Variants in INPP5D observed in about 807,000 individuals in gnomAD.
The protein encoded by INPP5D is inositol polyphosphate-5-phosphatase D.
Under a neutral mutation model 122.9 loss-of-function variants are expected in INPP5D, and 33 were observed. That is an observed-to-expected ratio of 0.27 (90% CI 0.20 to 0.36). INPP5D has a LOEUF of 0.36. Ranked by LOEUF, INPP5D falls within the 10% of genes least tolerant of loss-of-function variation. The pLI, the probability that INPP5D is intolerant of heterozygous loss-of-function variation, is 1.00. For missense variants in INPP5D, 1,053 were observed against 1,412.7 expected (o/e 0.75, Z 4.08); for synonymous variants, 584 against 576.2 (o/e 1.01, Z -0.19).
rs369946228 is a variant in INPP5D at position 233,154,157 on chromosome 2, G to GTT, written c.1031-4149_1031-4148dup. Among the ~76,000 whole-genome samples the GTT allele has an allele frequency of 1.9e-3, 289 of 151,568 alleles. 2 individuals carry two copies. The East Asian group carries it at 0.027, about 14-fold the overall frequency. On this transcript the variant is annotated intron_variant, in intron 9 of 26. Coordinates refer to ENST00000445964, the MANE Select transcript of INPP5D (RefSeq NM_001017915.3). ...CACTTGGAGGGATCAAATTCTTTTTGTTTTTTTTGAGACAGAGTTTCACTC... is the reference window on the plus strand; with the variant it reads ...CACTTGGAGGGATCAAATTCTTTTTGTTTTTTTTTTGAGACAGAGTTTCACTC...
In INPP5D at chr2:233,161,402, T is replaced by C. The variant is rs571829590; in HGVS notation, c.1138-322T>C. On this transcript the variant is annotated intron_variant, in intron 10 of 26. Coordinates refer to ENST00000445964, the MANE Select transcript of INPP5D (RefSeq NM_001017915.3). ...CCACCACACCTGGCCCTCTGATACA[T>C]TATTAATGAATCTCCTAAGGCTGGA... Among the ~76,000 whole-genome samples the C allele has an allele frequency of 2.6e-5, 4 of 152,332 alleles. No individual in the cohort carries two copies. The South Asian group carries it at 6.2e-4, about 24-fold the overall frequency.
chr2:233,157,090 T>C (rs1049805622), intron 9 of INPP5D, among the ~76,000 whole-genome samples: 3 of 152,176 alleles, frequency 2.0e-5, no homozygotes, highest in Non-Finnish European at 2.9e-5. Flanking sequence ...GTCAGTTAAG[T>C]GTGAGGGTCG....
chr2:233,136,337 A>G (rs7557877), intron 5 of INPP5D, among the ~76,000 whole-genome samples: 127,934 of 152,166 alleles, frequency 0.84, 54,461 homozygotes, highest in Non-Finnish European at 0.92. Context: ...AAATTAGCTG[A>G]ATGTGGTGTT....
intron 17 of INPP5D, among the ~76,000 whole-genome samples, chr2:233,175,070 T>A (rs1401753118): frequency 6.6e-6 from 1 of 151,732 alleles, no homozygotes; most frequent in Admixed American, 6.6e-5. Context: ...TATACAAAAT[T>A]AGCCGGGCAT....
rs185906811 is a variant in INPP5D, at chr2:233,189,782, G to A, written c.2359-68G>A. The A allele has an allele frequency of 1.0e-3, 1,635 of 1,575,740 alleles. 15 individuals are homozygous for A. In the African/African-American group the frequency reaches 0.019, roughly 18 times the overall value. On this transcript the variant is annotated intron_variant, in intron 21 of 26. Transcript: ENST00000445964. The surrounding 1 kb of genome is among the most constrained non-coding windows in gnomAD (Gnocchi z 5.6). ...CACCTTTCGTCATCTTCATCCACTT[G>A]TCCACCCACCTGTCCCCTCACCTGT...
intron 4 of INPP5D, among the ~76,000 whole-genome samples, chr2:233,129,305 T>C (rs946401169): frequency 6.6e-6 from 1 of 152,242 alleles, no homozygotes; most frequent in African/African-American, 2.4e-5. Context: ...AAAATTGATT[T>C]GTGGGTTAAT....
rs995137674 is a variant in INPP5D at position 233,134,021 on chromosome 2, G to A, written c.665+3373G>A. 3.3e-5 allele frequency: 15 copies of A among 456,114 alleles called. No homozygotes were observed. The East Asian group carries it at 9.0e-4, about 27-fold the overall frequency. The allele number at this position is 456,114 out of a possible 1,614,324, so 28.3% of individuals were successfully genotyped here. A position where few individuals can be genotyped will look rare whatever the true frequency, so the allele number is the denominator to read the frequency against. On this transcript the variant is annotated intron_variant, in intron 5 of 26. Coordinates refer to ENST00000445964, the MANE Select transcript of INPP5D (RefSeq NM_001017915.3). ...GGTGTGACCTGGGACACGTGTGCAT[G>A]GCAAAGGTGTCAGATTTGCCGCTTG...
At chr2:233,086,189 C>CTTTCTTTCTTTCTTTCTTTCTTTCTTT (rs60296918) in intron 2 of INPP5D, among the ~76,000 whole-genome samples, 5 of 129,620 alleles carry the variant, frequency 3.9e-5, no homozygotes, top group East Asian at 2.3e-4. Flanking sequence ...TTCTTTCTTT[C>CTTTCTTTCTTTCTTTCTTTCTTTCTTT]CTTTTTGAGA....
intron 1 of INPP5D, among the ~76,000 whole-genome samples, chr2:233,061,742 G>GT (rs1691080264): frequency 6.6e-6 from 1 of 152,200 alleles, no homozygotes; most frequent in Non-Finnish European, 1.5e-5. Context: ...GCCCTGGCAG[G>GT]TTAAGTGAGT....
intron 1 of INPP5D, among the ~76,000 whole-genome samples, chr2:233,076,619 A>G (rs1691526993): frequency 1.3e-5 from 2 of 152,378 alleles, no homozygotes; most frequent in African/African-American, 2.4e-5. Flanking sequence ...AGCTTTAAAA[A>G]CAACCTGTTA....
chr2:233,190,072 G>A lies in INPP5D; in HGVS notation c.2446+135G>A. The A allele has an allele frequency of 4.3e-6, 6 of 1,380,558 alleles. No homozygotes were observed. In the South Asian group the frequency reaches 8.8e-5, roughly 20 times the overall value. 85.5% of individuals were successfully genotyped at this position (1,380,558 alleles called of 1,614,324 possible). ...TCCTTTCCTCATCCCAGGGCTGCTAGTGGGACCGTCACCACTAAGTCATCC... is the reference window on the plus strand; with the variant it reads ...TCCTTTCCTCATCCCAGGGCTGCTAATGGGACCGTCACCACTAAGTCATCC... On this transcript the variant is annotated intron_variant, in intron 22 of 26. Coordinates refer to ENST00000445964, the MANE Select transcript of INPP5D (RefSeq NM_001017915.3).
intron 23 of INPP5D, 41 bp downstream of exon 23, chr2:233,194,002 C>A (rs777291683): frequency 7.2e-6 from 11 of 1,532,192 alleles, no homozygotes; most frequent in African/African-American, 5.5e-5. Context: ...TTCAGCCCCC[C>A]ACTTAGGGAC....
chr2:233,109,811 C>G (rs532178198), intron 2 of INPP5D, among the ~76,000 whole-genome samples: 34 of 150,998 alleles, frequency 2.3e-4, no homozygotes, highest in Non-Finnish European at 3.8e-4. Context: ...TGGTCTCGAA[C>G]TCCTGACCTC....
In INPP5D at chr2:233,065,201, A is replaced by G. The variant is rs373334998; in HGVS notation, c.134+4589A>G. Among the ~76,000 whole-genome samples the G allele has an allele frequency of 2.6e-5, 4 of 152,234 alleles. No homozygotes were observed. In the East Asian group the frequency reaches 7.7e-4, roughly 29 times the overall value. On this transcript the variant is annotated intron_variant, in intron 1 of 26. Transcript: ENST00000445964. ...TGTGCCTACGCTCAGCCCCCGTGAA[A>G]AGTCCTTTCGGGTCCAGAGATTAGG...
At chr2:233,083,948 A>G (rs1691760378) in intron 2 of INPP5D, among the ~76,000 whole-genome samples, 1 of 152,144 alleles carries the variant, frequency 6.6e-6, no homozygotes, top group South Asian at 2.1e-4. Context: ...ATCCCCTATC[A>G]CATCAATGTT....
At chr2:233,094,236 G>A (rs150146462) in intron 2 of INPP5D, among the ~76,000 whole-genome samples, 1 of 152,102 alleles carries the variant, frequency 6.6e-6, no homozygotes, top group African/African-American at 2.4e-5. Flanking sequence ...TCCCAGGCTG[G>A]GTATGGTGGC....
At chr2:233,191,097 A>C (rs187446569) in intron 22 of INPP5D, among the ~76,000 whole-genome samples, 34 of 152,284 alleles carry the variant, frequency 2.2e-4, no homozygotes, top group Middle Eastern at 3.4e-3. Context: ...AAGACGGGTA[A>C]TTTATAAAGG....
intron 17 of INPP5D, among the ~76,000 whole-genome samples, chr2:233,174,937 G>A (rs1456207111): frequency 6.6e-6 from 1 of 152,050 alleles, no homozygotes; most frequent in Non-Finnish European, 1.5e-5. Flanking sequence ...ATAGGTATAA[G>A]AATGTTTAGC....
rs920969658 is a variant in INPP5D at position 233,189,378 on chromosome 2, T to C, written c.2359-472T>C. On this transcript the variant is annotated intron_variant, in intron 21 of 26. Transcript: ENST00000445964. This position sits in a 1 kb window ranked among gnomAD's most constrained non-coding sequence, Gnocchi z 5.6. ...GGGGCAAGCCAGACAGGGGCAGGGC[T>C]GGGATGCAGCCACAGTCCTGGAGGG... Among the ~76,000 whole-genome samples the C allele has an allele frequency of 1.3e-5, 2 of 152,194 alleles. No individual in the cohort carries two copies. The highest frequency in any genetic ancestry group is 2.9e-5 in the Non-Finnish European group (2 of 68,024).
Sources: gnomAD v4.1 joint callset for allele counts (sites outside exome capture counted in the v4.1 genomes callset) on GRCh38, gnomAD v4.1.1 for gene constraint, Gnocchi (gnomAD v3.1) non-coding constraint, MANE v1.5 for transcripts, NCBI Gene and HGNC (gene_info 2026-07-23, HGNC 2026-07-21) for gene names.